Variants in PRUNE2 observed in about 807,000 individuals in gnomAD.
PRUNE2 encodes the protein protein prune homolog 2.
Under a neutral mutation model 252.0 loss-of-function variants are expected in PRUNE2, and 164 were observed. That is an observed-to-expected ratio of 0.65 (90% CI 0.57 to 0.74). The LOEUF is 0.74. Ranked by LOEUF, PRUNE2 falls within the 30% of genes least tolerant of loss-of-function variation. The pLI, the probability that PRUNE2 is intolerant of heterozygous loss-of-function variation, is 0.00. For missense variants in PRUNE2, 3,495 were observed against 3,711.0 expected (o/e 0.94, Z 1.51); for synonymous variants, 1,292 against 1,350.2 (o/e 0.96, Z 0.94).
intron 4 of PRUNE2, among the ~76,000 whole-genome samples, chr9:76,839,206 A>G (rs1173344921): frequency 6.6e-6 from 1 of 152,200 alleles, no homozygotes; most frequent in Non-Finnish European, 1.5e-5. Context: ...GAGCACATAA[A>G]CAATGTTGCA....
chr9:76,711,006 A>C lies in PRUNE2; in HGVS notation c.1268T>G (p.Leu423Arg). ...NQAQVDANVD[L>R]VSPDSGLATI... ...AGCCAGTCCGCTGTCTGGGCTAACAAGGTCTACATTGGCATCCACCTGAGC... is the reference window on the plus strand; with the variant it reads ...AGCCAGTCCGCTGTCTGGGCTAACACGGTCTACATTGGCATCCACCTGAGC... The change falls in exon 8 of 19, where the codon CTT becomes CGT. Residue 423 changes from leucine (L) to arginine (R), a missense_variant. Physicochemically the swap from Leu to Arg is moderately radical, Grantham distance 102. Transcript: ENST00000376718. 6.2e-7 allele frequency: 1 copy of C among 1,613,566 alleles called. No homozygotes were observed. Among genetic ancestry groups the C allele is most frequent in the South Asian group, 1.1e-5 (1 of 91,016 alleles).
At chr9:76,745,344 A>T (rs12344318) in intron 6 of PRUNE2, among the ~76,000 whole-genome samples, 2 of 152,294 alleles carry the variant, frequency 1.3e-5, no homozygotes, top group African/African-American at 4.8e-5. Flanking sequence ...AGACATAAAC[A>T]ATTGCCAACC....
chr9:76,877,315 G>A (rs1269646113), intron 1 of PRUNE2, among the ~76,000 whole-genome samples: 1 of 151,956 alleles, frequency 6.6e-6, no homozygotes, highest in African/African-American at 2.4e-5. Flanking sequence ...GACCAGCCTG[G>A]GCAACATGGC....
intron 1 of PRUNE2, among the ~76,000 whole-genome samples, chr9:76,873,542 A>G (rs1320425385): frequency 6.6e-6 from 1 of 152,146 alleles, no homozygotes; most frequent in Non-Finnish European, 1.5e-5. Context: ...AAATCTCCCA[A>G]ACGAGGCGCC....
intron 2 of PRUNE2, among the ~76,000 whole-genome samples, chr9:76,852,579 C>T (rs1040947271): frequency 2.0e-5 from 3 of 152,340 alleles, no homozygotes; most frequent in Non-Finnish European, 4.4e-5. Flanking sequence ...GCTTATCCTA[C>T]ATGTTCATAC....
In PRUNE2 at chr9:76,710,053, G is replaced by C. The variant is rs1211733308; in HGVS notation, c.2221C>G (p.Gln741Glu). The C allele has an allele frequency of 5.0e-6, 8 of 1,613,770 alleles. No individual in the cohort carries two copies. The highest frequency in any genetic ancestry group is 6.8e-6 in the Non-Finnish European group (8 of 1,179,870). Residue 741 changes from glutamine to glutamate, a missense_variant, in exon 8 of 19, where the codon CAG becomes GAG. Coordinates refer to ENST00000376718, the MANE Select transcript of PRUNE2 (RefSeq NM_015225.3). ...QDKNEESLPF[Q>E]NLPMEKSPLP... ...GGTGACTTCTCCATGGGCAGGTTCTGGAACGGCAAGCTTTCCTCATTTTTG... is the reference window on the plus strand; with the variant it reads ...GGTGACTTCTCCATGGGCAGGTTCTCGAACGGCAAGCTTTCCTCATTTTTG...
chr9:76,661,984 T>C (rs116633494), intron 9 of PRUNE2, among the ~76,000 whole-genome samples: 1,957 of 152,134 alleles, frequency 0.013, 32 homozygotes, highest in African/African-American at 0.044. Context: ...ATACCTCTAG[T>C]TATCAATCAC....
intron 6 of PRUNE2, among the ~76,000 whole-genome samples, chr9:76,735,644 A>T (rs2049010905): frequency 6.6e-6 from 1 of 152,154 alleles, no homozygotes; most frequent in South Asian, 2.1e-4. Flanking sequence ...ACAAAGGTTG[A>T]TATTATCATA....
chr9:76,750,393 A>C (rs150232045), intron 6 of PRUNE2, among the ~76,000 whole-genome samples: 3 of 152,304 alleles, frequency 2.0e-5, no homozygotes, highest in East Asian at 3.9e-4. Context: ...AATTTAATTG[A>C]ATTACAGAAC....
intron 9 of PRUNE2, among the ~76,000 whole-genome samples, chr9:76,676,354 T>C (rs1039907426): frequency 1.2e-5 from 1 of 86,506 alleles, no homozygotes; most frequent in Non-Finnish European, 2.6e-5. Flanking sequence ...AAACACATTA[T>C]GGTATTTCAA....
intron 4 of PRUNE2, among the ~76,000 whole-genome samples, chr9:76,828,681 C>CT (rs1251271441): frequency 6.6e-6 from 1 of 152,168 alleles, no homozygotes; most frequent in East Asian, 1.9e-4. Context: ...TGTGTATACC[C>CT]TGTGGTCTGT....
intron 1 of PRUNE2, among the ~76,000 whole-genome samples, chr9:76,876,481 C>T (rs949350437): frequency 3.4e-4 from 52 of 152,228 alleles, no homozygotes; most frequent in African/African-American, 1.2e-3. Flanking sequence ...ATGGAGGCAC[C>T]TACATAAACA....
intron 6 of PRUNE2, chr9:76,737,114 G>A (rs1237692255): frequency 6.6e-6 from 1 of 152,208 alleles, no homozygotes; most frequent in African/African-American, 2.4e-5. Context: ...CCTTCTTGAT[G>A]AGATAAAACT....
At chr9:76,851,694 A>G (rs11145104) in intron 2 of PRUNE2, among the ~76,000 whole-genome samples, 42,487 of 152,114 alleles carry the variant, frequency 0.28, 6,626 homozygotes, top group African/African-American at 0.43. Flanking sequence ...TTTACAAGCC[A>G]GCTTCAGCCT....
intron 6 of PRUNE2, among the ~76,000 whole-genome samples, chr9:76,733,899 C>A (rs2048849362): frequency 6.6e-6 from 1 of 151,374 alleles, no homozygotes; most frequent in African/African-American, 2.4e-5. Flanking sequence ...TTTTTTAAAG[C>A]AGTCTGTTCC....
chr9:76,712,855 G>T (rs1343649397), intron 7 of PRUNE2, among the ~76,000 whole-genome samples: 1 of 152,124 alleles, frequency 6.6e-6, no homozygotes, highest in Non-Finnish European at 1.5e-5. Flanking sequence ...GCTCTTGGGG[G>T]ACAGAAAGGA....
chr9:76,852,152 A>T (rs2059995879), intron 2 of PRUNE2, among the ~76,000 whole-genome samples: 1 of 152,250 alleles, frequency 6.6e-6, no homozygotes, highest in African/African-American at 2.4e-5. Flanking sequence ...GTTGAATGAA[A>T]GAAAGGAATC....
chr9:76,677,510 A>T (rs190686996), intron 9 of PRUNE2, among the ~76,000 whole-genome samples: 81 of 152,348 alleles, frequency 5.3e-4, no homozygotes, highest in Middle Eastern at 6.8e-3. Context: ...GTCAGCTCCT[A>T]AAGGGCCGCA....
At chr9:76,637,810 C>A (rs1405073225) in intron 13 of PRUNE2, among the ~76,000 whole-genome samples, 1 of 152,070 alleles carries the variant, frequency 6.6e-6, no homozygotes, top group East Asian at 1.9e-4. Flanking sequence ...AAACTGTCAA[C>A]AATGTTATCA....
Sources: gnomAD v4.1 joint callset for allele counts (sites outside exome capture counted in the v4.1 genomes callset) on GRCh38, gnomAD v4.1.1 for gene constraint, MANE v1.5 for transcripts, NCBI Gene and HGNC (gene_info 2026-07-23, HGNC 2026-07-21) for gene names.